Variants in CNTNAP5 observed in about 807,000 individuals in gnomAD.
The protein encoded by CNTNAP5 is contactin-associated protein-like 5.
Under a neutral mutation model 150.2 loss-of-function variants are expected in CNTNAP5, and 72 were observed. The ratio of observed to expected loss-of-function variants is 0.48; its 90% confidence interval spans 0.40 to 0.58. CNTNAP5 has a LOEUF of 0.58. Among genes scored for constraint, CNTNAP5 ranks in the 20% least tolerant of loss-of-function variants. The probability of loss-of-function intolerance (pLI) is 0.00; values close to 1 mark genes in which losing one functional copy is unlikely to be tolerated. For missense variants in CNTNAP5, 1,636 were observed against 1,626.2 expected (o/e 1.01, Z -0.10); for synonymous variants, 672 against 619.8 (o/e 1.08, Z -1.25).
intron 4 of CNTNAP5, among the ~76,000 whole-genome samples, chr2:124,422,589 C>T (rs1692133094): frequency 6.6e-6 from 1 of 152,202 alleles, no homozygotes; most frequent in African/African-American, 2.4e-5. Flanking sequence ...ATGTTGGAAT[C>T]TGAAATTCTC....
chr2:124,391,587 T>C (rs957533214), intron 3 of CNTNAP5, among the ~76,000 whole-genome samples: 2 of 152,210 alleles, frequency 1.3e-5, no homozygotes, highest in African/African-American at 4.8e-5. Context: ...TTTTAACTCT[T>C]GTGGAAGAAA....
chr2:124,530,858 C>T (rs1695088418), intron 10 of CNTNAP5, among the ~76,000 whole-genome samples: 1 of 152,118 alleles, frequency 6.6e-6, no homozygotes, highest in Non-Finnish European at 1.5e-5. Context: ...AGCCCCTGTC[C>T]TTCATAATAA....
chr2:124,149,425 A>C (rs910659962), intron 1 of CNTNAP5, among the ~76,000 whole-genome samples: 6 of 145,088 alleles, frequency 4.1e-5, no homozygotes, highest in Non-Finnish European at 7.6e-5. Context: ...AAAAAAAAAA[A>C]ACTCAGGAAA....
rs531084842 is a variant in CNTNAP5, at chr2:124,832,423, A to G, written c.3218-32883A>G. Among the ~76,000 whole-genome samples the G allele has an allele frequency of 5.9e-5, 9 of 152,262 alleles. No individual in the cohort carries two copies. In the East Asian group the frequency reaches 1.7e-3, roughly 29 times the overall value. On this transcript the variant is annotated intron_variant, in intron 19 of 23. Coordinates refer to ENST00000682447, the MANE Select transcript of CNTNAP5 (RefSeq NM_001367498.1). ...AAATATTATAGTTTTCATTTCAGAA[A>G]TTTAGTTATGAGATAGTAATATAAA...
intron 1 of CNTNAP5, among the ~76,000 whole-genome samples, chr2:124,190,724 G>C (rs1685439571): frequency 6.6e-6 from 1 of 152,072 alleles, no homozygotes; most frequent in Non-Finnish European, 1.5e-5. Context: ...TCATTGATAA[G>C]ATCATAGATC....
chr2:124,442,381 A>G (rs1467722247), intron 5 of CNTNAP5, among the ~76,000 whole-genome samples: 3 of 152,172 alleles, frequency 2.0e-5, no homozygotes, highest in African/African-American at 4.8e-5. Flanking sequence ...GATCCAGTCA[A>G]CATAACAAAT....
At chr2:124,300,178 G>GA (rs1477726930) in intron 3 of CNTNAP5, among the ~76,000 whole-genome samples, 2 of 152,200 alleles carry the variant, frequency 1.3e-5, no homozygotes, top group African/African-American at 4.8e-5. Context: ...CTGTGGATGA[G>GA]AAAATCTATG....
At chr2:124,070,320 C>T (rs1682269418) in intron 1 of CNTNAP5, among the ~76,000 whole-genome samples, 1 of 149,282 alleles carries the variant, frequency 6.7e-6, no homozygotes, top group African/African-American at 2.5e-5. Flanking sequence ...AGGAGTAAGT[C>T]CTCACTTATC....
intron 3 of CNTNAP5, among the ~76,000 whole-genome samples, chr2:124,409,667 A>C (rs1323950018): frequency 7.3e-5 from 10 of 137,554 alleles, no homozygotes; most frequent in African/African-American, 2.8e-4. Flanking sequence ...CTTTACAGAC[A>C]AGCAAATGCT....
chr2:124,403,444 GT>G (rs555396859), intron 3 of CNTNAP5, among the ~76,000 whole-genome samples: 3 of 151,918 alleles, frequency 2.0e-5, no homozygotes, highest in African/African-American at 4.8e-5. Flanking sequence ...ATTAAGAAAA[GT>G]TTTTTTTATG....
At chr2:124,273,344 T>C (rs1313441567) in intron 3 of CNTNAP5, among the ~76,000 whole-genome samples, 1 of 152,170 alleles carries the variant, frequency 6.6e-6, no homozygotes. Context: ...TATGGAACAA[T>C]AGATGAGAAA....
intron 12 of CNTNAP5, among the ~76,000 whole-genome samples, chr2:124,623,893 C>A (rs1238522666): frequency 6.6e-6 from 1 of 152,196 alleles, no homozygotes; most frequent in Non-Finnish European, 1.5e-5. Context: ...TTCAGAGGGA[C>A]AATTTGCTTT....
intron 12 of CNTNAP5, among the ~76,000 whole-genome samples, chr2:124,639,905 G>A (rs1038582031): frequency 3.1e-4 from 47 of 151,974 alleles, no homozygotes; most frequent in Non-Finnish European, 1.0e-4. Context: ...CACTGAGTAT[G>A]GGGGGAATGG....
chr2:124,847,652 C>T lies in CNTNAP5; in HGVS notation c.3218-17654C>T, dbSNP rs189964659. On this transcript the variant is annotated intron_variant, in intron 19 of 23. Coordinates refer to ENST00000682447, the MANE Select transcript of CNTNAP5 (RefSeq NM_001367498.1). ...GTGGGTTCTCTTAGCTTTCCTGGTA[C>T]GTTCCTGTGGTAGTTCTTGGAGCAA... 1.8e-3 allele frequency among the ~76,000 whole-genome samples: 279 copies of T among 152,262 alleles called. 1 individual carries two copies. In the Middle Eastern group the frequency reaches 0.02, roughly 11 times the overall value.
At chr2:124,458,643 C>A (rs542599301) in intron 6 of CNTNAP5, among the ~76,000 whole-genome samples, 2 of 152,008 alleles carry the variant, frequency 1.3e-5, no homozygotes, top group South Asian at 2.1e-4. Flanking sequence ...TAACCAAACA[C>A]CACCTGTTCC....
intron 1 of CNTNAP5, among the ~76,000 whole-genome samples, chr2:124,146,296 A>T (rs1339821357): frequency 6.6e-6 from 1 of 152,186 alleles, no homozygotes; most frequent in African/African-American, 2.4e-5. Flanking sequence ...AAAACAAAAC[A>T]TACACAAACA....
intron 19 of CNTNAP5, among the ~76,000 whole-genome samples, chr2:124,819,875 T>C (rs1682447347): frequency 6.6e-6 from 1 of 152,198 alleles, no homozygotes; most frequent in African/African-American, 2.4e-5. Context: ...TGTGTGTCTC[T>C]TTCTTAAAGT....
chr2:124,395,383 T>C (rs77454617), intron 3 of CNTNAP5, among the ~76,000 whole-genome samples: 6,071 of 152,200 alleles, frequency 0.04, 135 homozygotes, highest in Non-Finnish European at 0.042. Context: ...TACTGACTTG[T>C]AGTTCTCAGT....
At chr2:124,705,565 T>C (rs1349255808) in intron 13 of CNTNAP5, among the ~76,000 whole-genome samples, 1 of 152,000 alleles carries the variant, frequency 6.6e-6, no homozygotes, top group African/African-American at 2.4e-5. Context: ...ACAAATCCAA[T>C]GCTTACAATA....
Sources: allele counts gnomAD v4.1 joint callset (sites outside exome capture counted in the v4.1 genomes callset), GRCh38; gene constraint gnomAD v4.1.1; transcripts MANE v1.5; gene names NCBI Gene and HGNC (gene_info 2026-07-23, HGNC 2026-07-21).